LRRTM4: variants seen among roughly 807,000 people sequenced by gnomAD.
LRRTM4 encodes leucine rich repeat transmembrane neuronal 4, also known as leucine-rich repeat transmembrane neuronal protein 4.
LRRTM4 carries 25 observed loss-of-function variants against 47.6 expected under a neutral mutation model. That is an observed-to-expected ratio of 0.53 (90% CI 0.38 to 0.73). LRRTM4 has a LOEUF of 0.73. Ranked by LOEUF, LRRTM4 falls within the 30% of genes least tolerant of loss-of-function variation. The probability of loss-of-function intolerance (pLI) is 0.00; values close to 1 mark genes in which losing one functional copy is unlikely to be tolerated. For synonymous variants in LRRTM4, 311 were observed against 269.5 expected (o/e 1.15, Z -1.51); for missense variants, 638 against 713.4 (o/e 0.89, Z 1.20).
intron 3 of LRRTM4, among the ~76,000 whole-genome samples, chr2:77,282,261 A>T (rs980229240): frequency 6.6e-6 from 1 of 151,816 alleles, no homozygotes; most frequent in Non-Finnish European, 1.5e-5. Flanking sequence ...GTGTATAAAA[A>T]TGCCACTTAT....
rs181175642 is a variant in LRRTM4 at position 77,268,467 on chromosome 2, A to G, written c.1551+249851T>C. Among the ~76,000 whole-genome samples the G allele has an allele frequency of 3.0e-3, 457 of 152,052 alleles. 2 individuals carry two copies. The highest frequency in any genetic ancestry group is 0.011 in the African/African-American group (438 of 41,476). ...TCTAAGTCTTTGTATCATCACTCTT[A>G]CCATCCTGCCTTGGTCTCAGCTGAA... is the stretch of plus-strand genomic sequence containing the variant. On this transcript the variant is annotated intron_variant, in intron 3 of 3. Transcript: ENST00000409884.
At chr2:77,413,837 G>A (rs1258440360) in intron 3 of LRRTM4, among the ~76,000 whole-genome samples, 1 of 99,582 alleles carries the variant, frequency 1.0e-5, no homozygotes, top group Non-Finnish European at 2.6e-5. Flanking sequence ...TTTCTGTCTA[G>A]TTTTATACAC....
At chr2:77,346,748 A>G (rs1341989801) in intron 3 of LRRTM4, among the ~76,000 whole-genome samples, 1 of 152,148 alleles carries the variant, frequency 6.6e-6, no homozygotes, top group Non-Finnish European at 1.5e-5. Flanking sequence ...GGTTTCATTA[A>G]GTAATAATAA....
intron 3 of LRRTM4, among the ~76,000 whole-genome samples, chr2:77,322,682 G>A (rs1677829911): frequency 1.3e-5 from 2 of 151,256 alleles, no homozygotes; most frequent in Admixed American, 1.3e-4. Context: ...ATCAGTAAGC[G>A]ATCCTCATCA....
At chr2:77,409,037 T>C (rs988061708) in intron 3 of LRRTM4, among the ~76,000 whole-genome samples, 1 of 152,068 alleles carries the variant, frequency 6.6e-6, no homozygotes, top group Non-Finnish European at 1.5e-5. Context: ...CCACTGAAAG[T>C]GTGTGTGTGT....
At chr2:76,952,542 A>T (rs920775945) in intron 3 of LRRTM4, among the ~76,000 whole-genome samples, 1 of 151,898 alleles carries the variant, frequency 6.6e-6, no homozygotes, top group Non-Finnish European at 1.5e-5. Context: ...AAAAAGCAGA[A>T]ATAATGGCAA....
intron 3 of LRRTM4, among the ~76,000 whole-genome samples, chr2:76,897,408 T>C (rs1673459987): frequency 6.6e-6 from 1 of 152,102 alleles, no homozygotes; most frequent in African/African-American, 2.4e-5. Context: ...TGGGCATAAA[T>C]AAAACAAAAA....
chr2:77,318,952 T>A lies in LRRTM4; in HGVS notation c.1551+199366A>T, dbSNP rs778442868. ...CTCTGTATACTTAGGGTGCAATTTA[T>A]TTTTTTCAACTGAGATAGTCAAGGA... On this transcript the variant is annotated intron_variant, in intron 3 of 3. Transcript: ENST00000409884. Among the ~76,000 whole-genome samples the A allele has an allele frequency of 3.9e-5, 6 of 152,238 alleles. No individual in the cohort carries two copies. In the East Asian group the frequency reaches 1.2e-3, roughly 30 times the overall value.
At chr2:76,962,558 G>A (rs1326492277) in intron 3 of LRRTM4, among the ~76,000 whole-genome samples, 1 of 150,340 alleles carries the variant, frequency 6.7e-6, no homozygotes, top group Admixed American at 6.7e-5. Flanking sequence ...CTGAACTTTT[G>A]TGGTGAAGTG....
intron 3 of LRRTM4, among the ~76,000 whole-genome samples, chr2:77,407,052 G>A (rs919390982): frequency 1.3e-5 from 2 of 151,984 alleles, no homozygotes; most frequent in African/African-American, 4.8e-5. Context: ...AATTGTAAGG[G>A]AATAATTTAT....
At chr2:77,179,664 A>G (rs1309100064) in intron 3 of LRRTM4, among the ~76,000 whole-genome samples, 2 of 152,164 alleles carry the variant, frequency 1.3e-5, no homozygotes, top group African/African-American at 4.8e-5. Context: ...CTGTCCTAAT[A>G]AGGTTGATTC....
intron 3 of LRRTM4, among the ~76,000 whole-genome samples, chr2:76,864,930 T>C (rs933420033): frequency 6.0e-5 from 9 of 150,274 alleles, no homozygotes; most frequent in Non-Finnish European, 8.9e-5. Context: ...AGAGACAGGG[T>C]ACCACTATGT....
At chr2:77,213,931 G>C (rs915151341) in intron 3 of LRRTM4, among the ~76,000 whole-genome samples, 3 of 151,476 alleles carry the variant, frequency 2.0e-5, no homozygotes, top group Non-Finnish European at 4.4e-5. Flanking sequence ...TAGGCATTCA[G>C]CTCCTGCATT....
chr2:77,222,515 CAA>C (rs1320947506), intron 3 of LRRTM4, among the ~76,000 whole-genome samples: 6 of 151,926 alleles, frequency 3.9e-5, no homozygotes, highest in Non-Finnish European at 5.9e-5. Context: ...TAAAATATGA[CAA>C]AGAGGATATC....
intron 3 of LRRTM4, among the ~76,000 whole-genome samples, chr2:76,992,906 G>A (rs1172347344): frequency 1.3e-5 from 2 of 149,744 alleles, no homozygotes; most frequent in Non-Finnish European, 3.0e-5. Context: ...AAACAGCATG[G>A]TACTGGTACA....
rs191383982 is a variant in LRRTM4 at position 77,115,307 on chromosome 2, C to G, written c.1552-366391G>C. 7.9e-5 allele frequency among the ~76,000 whole-genome samples: 12 copies of G among 152,252 alleles called. No individual in the cohort carries two copies. In the South Asian group the frequency reaches 2.5e-3, roughly 32 times the overall value. On this transcript the variant is annotated intron_variant, in intron 3 of 3. Coordinates refer to ENST00000409884, the MANE Select transcript of LRRTM4 (RefSeq NM_001134745.3). ...CCCTGAAAATCGCTGTTATCCTGTT[C>G]TTTTTCAGGGTGCACTGGTTTCATA... is the stretch of plus-strand genomic sequence containing the variant.
At chr2:77,101,663 A>G (rs1460335740) in intron 3 of LRRTM4, among the ~76,000 whole-genome samples, 2 of 152,204 alleles carry the variant, frequency 1.3e-5, no homozygotes, top group Non-Finnish European at 2.9e-5. Context: ...TCACATAGGA[A>G]TTCTGATTTA....
chr2:76,883,419 G>A (rs1672986054), intron 3 of LRRTM4, among the ~76,000 whole-genome samples: 1 of 152,112 alleles, frequency 6.6e-6, no homozygotes, highest in Non-Finnish European at 1.5e-5. Context: ...TTCACCTTTA[G>A]CACTTTCCCA....
At position 77,421,710 on chromosome 2, in the gene LRRTM4, A is replaced by T. The variant is rs541378774; in HGVS notation, c.1551+96608T>A. Reference sequence around the variant, plus strand: ...CGGCAGAGGGAGACTCCATCTCAAAAAAAAAAAGGAAGAGTCCAGACACGT... The same window carrying T: ...CGGCAGAGGGAGACTCCATCTCAAATAAAAAAAGGAAGAGTCCAGACACGT... On this transcript the variant is annotated intron_variant, in intron 3 of 3. Coordinates refer to ENST00000409884, the MANE Select transcript of LRRTM4 (RefSeq NM_001134745.3). Among the ~76,000 whole-genome samples the T allele has an allele frequency of 1.1e-4, 17 of 152,244 alleles. No homozygotes were observed. The South Asian group carries it at 3.5e-3, about 32-fold the overall frequency.
Sources: gnomAD v4.1 joint callset for allele counts (sites outside exome capture counted in the v4.1 genomes callset) on GRCh38, gnomAD v4.1.1 for gene constraint, MANE v1.5 for transcripts, NCBI Gene and HGNC (gene_info 2026-07-23, HGNC 2026-07-21) for gene names.